SLC45A2: variants seen among roughly 807,000 people sequenced by gnomAD.
SLC45A2 encodes the protein solute carrier family 45 member 2.
SLC45A2 carries 36 observed loss-of-function variants against 45.5 expected under a neutral mutation model. The ratio of observed to expected loss-of-function variants is 0.79; its 90% CI spans 0.61 to 1.04. The LOEUF is 1.04. SLC45A2 is among the 50% of genes least tolerant of loss of function. The probability of loss-of-function intolerance (pLI) is 0.00; values close to 1 mark genes in which losing one functional copy is unlikely to be tolerated. For missense variants in SLC45A2, 719 were observed against 671.0 expected (o/e 1.07, Z -0.79); for synonymous variants, 306 against 269.3 (o/e 1.14, Z -1.33).
intron 3 of SLC45A2, among the ~76,000 whole-genome samples, chr5:33,958,915 T>A (rs1424184350): frequency 6.6e-6 from 1 of 152,166 alleles, no homozygotes; most frequent in Non-Finnish European, 1.5e-5. Context: ...TCCCAGTCTA[T>A]CGAAGGGGAC....
intron 5 of SLC45A2, among the ~76,000 whole-genome samples, chr5:33,949,846 G>C (rs1752044599): frequency 6.6e-6 from 1 of 151,836 alleles, no homozygotes; most frequent in African/African-American, 2.4e-5. Context: ...TCTAGTAGGA[G>C]TTCCCTGAGG....
At chr5:33,974,585 G>C (rs1242240062) in intron 2 of SLC45A2, among the ~76,000 whole-genome samples, 5 of 152,216 alleles carry the variant, frequency 3.3e-5, no homozygotes, top group South Asian at 2.1e-4. Context: ...TGCTTCAAGT[G>C]GAATGCTGTA....
rs778186628 is a variant in SLC45A2 at position 33,947,146 on chromosome 5, G to T, written c.1368+17C>A. On this transcript the variant is annotated intron_variant, in intron 6 of 6. Transcript: ENST00000296589. ...AGTCTGGATGTTACCCAAGGCAGAG[G>T]TTCAATGACAGCACACCTCCTTTTC... is the stretch of plus-strand genomic sequence containing the variant. The T allele has an allele frequency of 1.2e-6, 2 of 1,614,198 alleles. No homozygotes were observed. Among genetic ancestry groups the T allele is most frequent in the Non-Finnish European group, 1.7e-6 (2 of 1,180,046 alleles).
At chr5:33,952,223 C>T (rs1177989987) in intron 4 of SLC45A2, among the ~76,000 whole-genome samples, 1 of 152,110 alleles carries the variant, frequency 6.6e-6, no homozygotes, top group Non-Finnish European at 1.5e-5. Context: ...AACCCCTGGC[C>T]TCAAATGATT....
intron 3 of SLC45A2, among the ~76,000 whole-genome samples, chr5:33,956,542 G>A (rs917579168): frequency 2.6e-5 from 4 of 152,174 alleles, no homozygotes; most frequent in Non-Finnish European, 5.9e-5. Flanking sequence ...AGAGTGTTTT[G>A]AGAAAGTTAG....
intron 2 of SLC45A2, among the ~76,000 whole-genome samples, chr5:33,975,693 C>A (rs569170434): frequency 1.3e-5 from 2 of 152,164 alleles, no homozygotes; most frequent in South Asian, 2.1e-4. Context: ...CTAATAAAAC[C>A]CCAATGTGGT....
intron 2 of SLC45A2, among the ~76,000 whole-genome samples, chr5:33,977,314 G>T (rs558076871): frequency 6.6e-6 from 1 of 152,302 alleles, no homozygotes; most frequent in East Asian, 1.9e-4. Flanking sequence ...AGACCATAAA[G>T]GCCCCAGGAG....
chr5:33,969,205 T>A (rs1169154700), intron 2 of SLC45A2, among the ~76,000 whole-genome samples: 2 of 151,796 alleles, frequency 1.3e-5, no homozygotes, highest in East Asian at 3.9e-4. Flanking sequence ...AGACATGACC[T>A]CTGCCCTCTT....
intron 2 of SLC45A2, among the ~76,000 whole-genome samples, chr5:33,970,566 T>TGTTGGTTGGTTG (rs3836801): frequency 1.0e-3 from 158 of 150,820 alleles, no homozygotes; most frequent in African/African-American, 3.5e-3. Flanking sequence ...CTGACTGGCT[T>TGTTGGTTGGTTG]GTTGGTTGGT....
At chr5:33,981,032 A>C (rs1466768344) in intron 2 of SLC45A2, among the ~76,000 whole-genome samples, 3 of 152,080 alleles carry the variant, frequency 2.0e-5, no homozygotes, top group Admixed American at 2.0e-4. Context: ...GGAGCACCCG[A>C]GTGAGGAGAC....
At chr5:33,952,738 A>G (rs1436145915) in intron 4 of SLC45A2, among the ~76,000 whole-genome samples, 1 of 130,718 alleles carries the variant, frequency 7.7e-6, no homozygotes, top group Non-Finnish European at 1.6e-5. Context: ...ACATGTGCAC[A>G]TTGTGCAGGT....
chr5:33,955,958 T>C (rs979704928), intron 3 of SLC45A2, among the ~76,000 whole-genome samples: 1 of 152,054 alleles, frequency 6.6e-6, no homozygotes, highest in Non-Finnish European at 1.5e-5. Context: ...ATGAAGACAA[T>C]GTCCCAAAGA....
Position 33,963,879 on chromosome 5 carries a change from G to A in SLC45A2, c.700C>T (p.Leu234=). The A allele has an allele frequency of 6.2e-7, 1 of 1,614,130 alleles. No individual in the cohort carries two copies. Among genetic ancestry groups the A allele is most frequent in the Non-Finnish European group, 8.5e-7 (1 of 1,180,026 alleles). The change falls in exon 3 of 7, where the codon CTG becomes TTG. Residue 234 remains leucine, a synonymous_variant. Transcript: ENST00000296589. ...LVLTLCFTVH[L]CSISEAPLTE... is the part of the protein sequence containing the mutation. Reference sequence around the variant, plus strand: ...AGTGGGGCTTCAGAGATACTGCACAGATGAACAGTAAAACACAAAGTGAGC... The same window carrying A: ...AGTGGGGCTTCAGAGATACTGCACAAATGAACAGTAAAACACAAAGTGAGC...
chr5:33,944,643 T>C lies in SLC45A2; in HGVS notation c.*5A>G, dbSNP rs369713742. Reference sequence around the variant, plus strand: ...TGAGGTTAGGGTCATTGTCTCTTTATTGACCTAATCCACATATCTAACAAA... The same window carrying C: ...TGAGGTTAGGGTCATTGTCTCTTTACTGACCTAATCCACATATCTAACAAA... On this transcript the variant is annotated 3_prime_UTR_variant, in exon 7 of 7. Transcript: ENST00000296589. 2.2e-5 allele frequency: 35 copies of C among 1,613,788 alleles called. No individual in the cohort carries two copies. The East Asian group carries it at 2.2e-4, about 10-fold the overall frequency.
In SLC45A2 at chr5:33,984,545, A is replaced by G. The variant is rs1165904324; in HGVS notation, c.39T>C (p.Tyr13=). 1 of 1,612,494 alleles carries G rather than the reference A, an allele frequency of 6.2e-7. No homozygotes were observed. The highest frequency in any genetic ancestry group is 2.2e-5 in the East Asian group (1 of 44,890). Residue 13 remains tyrosine (Y), a synonymous_variant, in exon 1 of 7, where the codon TAT becomes TAC. Transcript: ENST00000296589. ...AGGGGCCATCATCAGCTAGGGATTT[A>G]TAGATGTGGCGGCCAGCCTGCCCAC... is the stretch of plus-strand genomic sequence containing the variant. ...SNSGQAGRHI[Y]KSLADDGPFD... is the part of the protein sequence containing the mutation.
intron 2 of SLC45A2, among the ~76,000 whole-genome samples, chr5:33,974,625 CA>C (rs747323863): frequency 2.6e-4 from 39 of 152,124 alleles, no homozygotes; most frequent in Non-Finnish European, 4.3e-4. Context: ...CATGTAAATT[CA>C]AAAAGTTTGG....
intron 4 of SLC45A2, among the ~76,000 whole-genome samples, chr5:33,952,771 C>T (rs1303675845): frequency 7.3e-6 from 1 of 137,082 alleles, no homozygotes; most frequent in Non-Finnish European, 1.6e-5. Context: ...TATACATGTG[C>T]CATGCTGGTG....
chr5:33,971,307 T>C (rs1752770804), intron 2 of SLC45A2: 1 of 519,390 alleles, frequency 1.9e-6, no homozygotes, highest in Non-Finnish European at 3.9e-6. Context: ...GGGTTACCAC[T>C]TACAAACCCA....
chr5:33,973,650 G>A (rs1047859844), intron 2 of SLC45A2, among the ~76,000 whole-genome samples: 8 of 152,290 alleles, frequency 5.3e-5, no homozygotes, highest in East Asian at 3.9e-4. Flanking sequence ...AGTATTAAAA[G>A]ACAAAAGTTA....
Sources: allele counts gnomAD v4.1 joint callset (sites outside exome capture counted in the v4.1 genomes callset), GRCh38; gene constraint gnomAD v4.1.1; transcripts MANE v1.5; gene names NCBI Gene and HGNC (gene_info 2026-07-23, HGNC 2026-07-21).